CERS5: variants seen among roughly 807,000 people sequenced by gnomAD.
CERS5 encodes the protein LAG1 homolog, ceramide synthase 5.
A neutral mutation model predicts 58.9 loss-of-function variants in CERS5; 37 were observed. The observed-to-expected ratio is 0.63, with a 90% CI of 0.48 to 0.83. CERS5 has a LOEUF of 0.83. Among genes scored for constraint, CERS5 ranks in the 40% least tolerant of loss-of-function variants. The probability of loss-of-function intolerance (pLI) is 0.00; values close to 1 mark genes in which losing one functional copy is unlikely to be tolerated. For missense variants in CERS5, 398 were observed against 489.3 expected (o/e 0.81, Z 1.76); for synonymous variants, 147 against 177.8 (o/e 0.83, Z 1.38).
chr12:50,148,927 A>AATATATATATATATATATATAT (rs773368671), intron 1 of CERS5, among the ~76,000 whole-genome samples: 41 of 47,982 alleles, frequency 8.5e-4, no homozygotes, highest in East Asian at 2.2e-3. Flanking sequence ...AAAAAAAAAA[A>AATATATATATATATATATATAT]ATATATATAT....
At chr12:50,142,439 A>G (rs1337165535) in intron 3 of CERS5, among the ~76,000 whole-genome samples, 1 of 151,626 alleles carries the variant, frequency 6.6e-6, no homozygotes, top group East Asian at 1.9e-4. Flanking sequence ...AGTCCCAGCT[A>G]CTCAGGAGGC....
chr12:50,142,338 A>T (rs1002396014), intron 3 of CERS5, among the ~76,000 whole-genome samples: 1 of 152,158 alleles, frequency 6.6e-6, no homozygotes, highest in African/African-American at 2.4e-5. Context: ...GTGCATCACC[A>T]GGTCAAGAGA....
In CERS5 at chr12:50,154,121, G is replaced by A. The variant is rs188858095; in HGVS notation, c.198-10064C>T. The A allele has an allele frequency of 1.1e-3, 291 of 257,244 alleles. 1 individual carries two copies. In the Middle Eastern group the frequency reaches 0.016, roughly 14 times the overall value. 15.9% of individuals were successfully genotyped at this position (257,244 alleles called of 1,614,324 possible). A position where few individuals can be genotyped will look rare whatever the true frequency, so the allele number is the denominator to read the frequency against. ...TGTAATCCCAGCACTTTGGGAGGCC[G>A]AGGCAGGCAGATCACGAGGTCAAGA... On this transcript the variant is annotated intron_variant, in intron 1 of 9. Transcript: ENST00000317551.
Position 50,144,173 on chromosome 12 carries a change from A to C in CERS5, c.198-116T>G, listed in dbSNP as rs374781563. The C allele has an allele frequency of 6.3e-4, 401 of 639,130 alleles. 4 individuals carry two copies. Among genetic ancestry groups the C allele is most frequent in the Middle Eastern group, 4.2e-3 (10 of 2,358 alleles). 39.6% of individuals were successfully genotyped at this position (639,130 alleles called of 1,614,324 possible). A position where few individuals can be genotyped will look rare whatever the true frequency, so the allele number is the denominator to read the frequency against. ...ATGTGATGTTTCAATGCATGTATAC[A>C]TAGTATAATGATGAAACTGGGGTAA... On this transcript the variant is annotated intron_variant, in intron 1 of 9. Coordinates refer to ENST00000317551, the MANE Select transcript of CERS5 (RefSeq NM_147190.5).
At chr12:50,154,496 A>G (rs1278488687) in intron 1 of CERS5, among the ~76,000 whole-genome samples, 1 of 152,326 alleles carries the variant, frequency 6.6e-6, no homozygotes, top group African/African-American at 2.4e-5. Flanking sequence ...ATATACTTCA[A>G]TCAAAACAAT....
chr12:50,153,268 GATTTTTTTTTTT>G (rs747076506), intron 1 of CERS5, among the ~76,000 whole-genome samples: 1 of 72,608 alleles, frequency 1.4e-5, no homozygotes, highest in Non-Finnish European at 2.9e-5. Flanking sequence ...AAACTAATAT[GATTTTTTTTTTT>G]TTTTTTTTTT....
Position 50,143,972 on chromosome 12 carries a change from C to A in CERS5, c.283G>T (p.Val95Leu). 6.2e-7 allele frequency: 1 copy of A among 1,607,002 alleles called. No individual in the cohort carries two copies. Among genetic ancestry groups the A allele is most frequent in the Non-Finnish European group, 8.5e-7 (1 of 1,173,682 alleles). ...QAQPNAILEK[V>L]FISITKYPDK... ...CTTACCTTGGTAATAGATATGAACACCTTTTCAAGGATGGCATTGGGTTGG... is the reference window on the plus strand; with the variant it reads ...CTTACCTTGGTAATAGATATGAACAACTTTTCAAGGATGGCATTGGGTTGG... The change falls in exon 2 of 10, where the codon GTG (valine) becomes TTG (leucine). Residue 95 changes from valine to leucine, a missense_variant. Coordinates refer to ENST00000317551, the MANE Select transcript of CERS5 (RefSeq NM_147190.5).
At chr12:50,133,547 TAAC>T in intron 9 of CERS5, 6 of 987,178 alleles carry the variant, frequency 6.1e-6, no homozygotes, top group Non-Finnish European at 7.2e-6. Flanking sequence ...CTAGGCAACT[TAAC>T]AATCTGCTTT....
intron 1 of CERS5, 138 bp from the exon 2 acceptor site, chr12:50,144,195 G>A: frequency 1.7e-6 from 1 of 577,044 alleles, no homozygotes; most frequent in South Asian, 2.1e-5. Flanking sequence ...TGAAACTGGG[G>A]TAATTACCAT....
chr12:50,132,294 C>T (rs1230353609), intron 9 of CERS5, among the ~76,000 whole-genome samples: 3 of 148,772 alleles, frequency 2.0e-5, no homozygotes, highest in African/African-American at 7.5e-5. Flanking sequence ...CCCAGCTACT[C>T]AGGAGGCTGA....
Position 50,138,629 on chromosome 12 carries a change from C to T in CERS5, c.493-12G>A. ...CAGAACCAAGGTGACTAAGAGAAAA[C>T]AGATAATCCATGTCAGTCCTCAAGA... On this transcript the variant is annotated splice_polypyrimidine_tract_variant and intron_variant, in intron 4 of 9. Coordinates refer to ENST00000317551, the MANE Select transcript of CERS5 (RefSeq NM_147190.5). The T allele has an allele frequency of 1.9e-6, 3 of 1,610,858 alleles. No homozygotes were observed. Among genetic ancestry groups the T allele is most frequent in the Non-Finnish European group, 2.5e-6 (3 of 1,177,094 alleles).
chr12:50,144,795 AAAG>A, intron 1 of CERS5: 1 of 1,528,670 alleles, frequency 6.5e-7, no homozygotes, highest in South Asian at 1.2e-5. Flanking sequence ...TCATCATCTA[AAAG>A]AAGAGGTTAT....
Position 50,167,346 on chromosome 12 carries a change from A to G in CERS5, c.-49T>C, listed in dbSNP as rs905468642. The G allele has an allele frequency of 1.4e-6, 2 of 1,459,770 alleles. No homozygotes were observed. The highest frequency in any genetic ancestry group is 1.4e-5 in the South Asian group (1 of 70,780). 90.4% of individuals were successfully genotyped at this position (1,459,770 alleles called of 1,614,324 possible). A position where few individuals can be genotyped will look rare whatever the true frequency, so the allele number is the denominator to read the frequency against. On this transcript the variant is annotated 5_prime_UTR_variant, in exon 1 of 10. Transcript: ENST00000317551. ...GCCGCCACAAGCGTCAGCTGCCGCC[A>G]CAGCCAACGGAACCCGCGGGGAGGC...
chr12:50,147,286 C>T (rs1952339496), intron 1 of CERS5: 1 of 151,836 alleles, frequency 6.6e-6, no homozygotes, highest in African/African-American at 2.4e-5. Context: ...GCCTGTAACC[C>T]CAGCTACTCA....
At chr12:50,154,071 T>TA (rs1790262357) in intron 1 of CERS5, 1 of 245,076 alleles carries the variant, frequency 4.1e-6, no homozygotes, top group African/African-American at 2.4e-5. Flanking sequence ...AAGAAACTGC[T>TA]ACTTGTGGCT....
intron 1 of CERS5, among the ~76,000 whole-genome samples, chr12:50,149,046 A>G (rs2138157200): frequency 6.6e-6 from 1 of 150,674 alleles, no homozygotes; most frequent in Middle Eastern, 3.5e-3. Context: ...CTAAAACAGT[A>G]GACATTGATA....
chr12:50,133,031 G>T (rs2242507), intron 9 of CERS5: 15 of 1,288,824 alleles, frequency 1.2e-5, no homozygotes, highest in African/African-American at 1.5e-5. Flanking sequence ...AAAGAGTGGA[G>T]AGTACAGGGT....
At chr12:50,133,479 T>C in intron 9 of CERS5, 2 of 992,562 alleles carry the variant, frequency 2.0e-6, no homozygotes, top group Non-Finnish European at 2.4e-6. Context: ...ATAAACCATA[T>C]CTTGAATATC....
chr12:50,140,284 ATTTTTTTTTTTTT>A (rs57651378), intron 4 of CERS5, among the ~76,000 whole-genome samples: 1 of 96,246 alleles, frequency 1.0e-5, no homozygotes, highest in Non-Finnish European at 1.9e-5. Flanking sequence ...TAACTTCCAA[ATTTTTTTTTTTTT>A]TTTTTTTTTT....
Sources: gnomAD v4.1 joint callset for allele counts (sites outside exome capture counted in the v4.1 genomes callset) on GRCh38, gnomAD v4.1.1 for gene constraint, MANE v1.5 for transcripts, NCBI Gene and HGNC (gene_info 2026-07-23, HGNC 2026-07-21) for gene names.